Variants in COL4A4 observed in about 807,000 individuals in gnomAD.
COL4A4 encodes collagen alpha-4(IV) chain.
Under a neutral mutation model 192.9 loss-of-function variants are expected in COL4A4, and 105 were observed. The observed-to-expected ratio is 0.54, with a 90% CI of 0.46 to 0.64. COL4A4 has a LOEUF of 0.64. Among genes scored for constraint, COL4A4 ranks in the 30% least tolerant of loss-of-function variants. COL4A4 has a pLI of 0.00. For missense variants in COL4A4, 1,967 were observed against 2,169.3 expected (o/e 0.91, Z 1.85); for synonymous variants, 762 against 769.9 (o/e 0.99, Z 0.17).
the COL4A4 span, among the ~76,000 whole-genome samples, chr2:226,975,840 A>G: frequency 6.6e-6 from 1 of 152,164 alleles, no homozygotes; most frequent in African/African-American, 2.4e-5. Context: ...GCAAGATTTC[A>G]TTGTCACCAA....
chr2:227,129,412 T>A (rs1057265477), intron 4 of COL4A4, among the ~76,000 whole-genome samples: 26 of 50,552 alleles, frequency 5.1e-4, no homozygotes, highest in Non-Finnish European at 9.8e-4. Context: ...TCTAGTATAC[T>A]TTTTTTTTTT....
rs187410355 is a variant in COL4A4, at chr2:227,072,456, A to G, written c.1987+5438T>C. On this transcript the variant is annotated intron_variant, in intron 25 of 47. Transcript: ENST00000396625. The stretch of plus-strand genomic sequence containing the variant: ...CCCAGAATCAGATGGATTCACAGCT[A>G]AATTCTACTTAGACACTGAGAGAAA... 1.3e-3 allele frequency among the ~76,000 whole-genome samples: 198 copies of G among 152,034 alleles called. 1 individual carries two copies. The highest frequency in any genetic ancestry group is 4.2e-3 in the African/African-American group (174 of 41,546).
At chr2:227,159,214 A>G (rs1297699053) in intron 1 of COL4A4, among the ~76,000 whole-genome samples, 1 of 152,266 alleles carries the variant, frequency 6.6e-6, no homozygotes, top group Non-Finnish European at 1.5e-5. Flanking sequence ...GATGTAAGAT[A>G]GTATACACGG....
intron 18 of COL4A4, among the ~76,000 whole-genome samples, chr2:227,099,176 C>T (rs572933144): frequency 6.6e-6 from 1 of 152,148 alleles, no homozygotes; most frequent in East Asian, 1.9e-4. Flanking sequence ...AAGCGATTCT[C>T]GTGCCTCAGC....
chr2:227,128,758 G>C (rs1204060278), intron 4 of COL4A4, among the ~76,000 whole-genome samples: 1 of 152,040 alleles, frequency 6.6e-6, no homozygotes, highest in Non-Finnish European at 1.5e-5. Context: ...TCTCGCACGG[G>C]TTCCACAAGC....
Position 227,091,943 on chromosome 2 carries a change from A to C in COL4A4, c.1370-1986T>G, listed in dbSNP as rs1226729758. ...GAAAGAAAGAAAAGAAAAGAAAAGAAAAGAAAAGACATGACATGAAAGCTA... is the reference window on the plus strand; with the variant it reads ...GAAAGAAAGAAAAGAAAAGAAAAGACAAGAAAAGACATGACATGAAAGCTA... On this transcript the variant is annotated intron_variant, in intron 20 of 47. Coordinates refer to ENST00000396625, the MANE Select transcript of COL4A4 (RefSeq NM_000092.5). Among the ~76,000 whole-genome samples, 30 of 146,558 alleles carry C rather than the reference A, an allele frequency of 2.0e-4. No homozygotes were observed. The East Asian group carries it at 2.4e-3, about 12-fold the overall frequency.
At chr2:227,016,826 G>T (rs1209524865) in intron 44 of COL4A4, among the ~76,000 whole-genome samples, 2 of 152,250 alleles carry the variant, frequency 1.3e-5, no homozygotes, top group Admixed American at 6.5e-5. Context: ...AATTATTTCA[G>T]AGTGTCCTGG....
chr2:227,028,644 T>TTTTTTA (rs1967562123), intron 41 of COL4A4, among the ~76,000 whole-genome samples: 1 of 141,886 alleles, frequency 7.0e-6, no homozygotes, highest in African/African-American at 2.6e-5. Flanking sequence ...ATAAAAGAAA[T>TTTTTTA]TTATTATTAT....
At chr2:227,159,157 A>G (rs1025741017) in intron 1 of COL4A4, among the ~76,000 whole-genome samples, 1 of 152,238 alleles carries the variant, frequency 6.6e-6, no homozygotes, top group African/African-American at 2.4e-5. Flanking sequence ...CCTAATCTAC[A>G]CAACATGGAT....
intron 7 of COL4A4, among the ~76,000 whole-genome samples, chr2:227,117,085 A>ATATT (rs1390958643): frequency 6.6e-6 from 1 of 152,344 alleles, no homozygotes; most frequent in Non-Finnish European, 1.5e-5. Flanking sequence ...TCATGGGACA[A>ATATT]TATTAATTTT....
At chr2:227,066,184 T>C (rs908613258) in intron 25 of COL4A4, among the ~76,000 whole-genome samples, 15 of 151,932 alleles carry the variant, frequency 9.9e-5, no homozygotes, top group African/African-American at 3.1e-4. Context: ...TAAAAAGAAA[T>C]GAGCAAAGCC....
At chr2:227,048,205 T>C (rs1405649278) in intron 34 of COL4A4, among the ~76,000 whole-genome samples, 1 of 152,170 alleles carries the variant, frequency 6.6e-6, no homozygotes, top group African/African-American at 2.4e-5. Context: ...TTCAAGAGAA[T>C]TACAGAGGTA....
At chr2:227,108,671 GTAAT>G in intron 11 of COL4A4, 49 bp from the exon 12 acceptor site, 3 of 1,601,300 alleles carry the variant, frequency 1.9e-6, no homozygotes, top group Middle Eastern at 3.3e-4. Flanking sequence ...TTTTAAAAAA[GTAAT>G]TAAAAGCAAT....
intron 37 of COL4A4, among the ~76,000 whole-genome samples, chr2:227,041,846 A>AG (rs1971273307): frequency 1.0e-4 from 4 of 39,322 alleles, no homozygotes; most frequent in African/African-American, 4.1e-4. Context: ...GAAAGAAAGA[A>AG]AGAGAAAGAA....
rs564184770 is a variant in COL4A4, at chr2:227,070,522, T to C, written c.1987+7372A>G. On this transcript the variant is annotated intron_variant, in intron 25 of 47. Transcript: ENST00000396625. ...AAGAAAATGTGGCACATATACACCA[T>C]GGAATACTATGCAGCCATAAAAAAC... Among the ~76,000 whole-genome samples, 9 of 152,134 alleles carry C rather than the reference T, an allele frequency of 5.9e-5. No homozygotes were observed. The East Asian group carries it at 1.5e-3, about 26-fold the overall frequency.
At chr2:227,065,491 T>A (rs548497827) in intron 25 of COL4A4, among the ~76,000 whole-genome samples, 1 of 152,252 alleles carries the variant, frequency 6.6e-6, no homozygotes, top group South Asian at 2.1e-4. Context: ...CTGACAGCTT[T>A]GAAGAGAGCA....
At position 227,005,267 on chromosome 2, in the gene COL4A4, T is replaced by C. The variant is rs1248304399; in HGVS notation, c.*2058A>G. 6.6e-6 allele frequency: 1 copy of C among 152,094 alleles called. No individual in the cohort carries two copies. Among genetic ancestry groups the C allele is most frequent in the Non-Finnish European group, 1.5e-5 (1 of 68,026 alleles). 9.4% of individuals were successfully genotyped at this position (152,094 alleles called of 1,614,324 possible). A position where few individuals can be genotyped will look rare whatever the true frequency, so the allele number is the denominator to read the frequency against. On this transcript the variant is annotated 3_prime_UTR_variant, in exon 48 of 48. Transcript: ENST00000396625. Reference sequence around the variant, plus strand: ...ATATTCTAATACCAACATTAAAGTGTTTAAAATAATTAGCAAGCAAGATAC... The same window carrying C: ...ATATTCTAATACCAACATTAAAGTGCTTAAAATAATTAGCAAGCAAGATAC...
At chr2:227,131,895 C>T (rs2062498524) in intron 4 of COL4A4, among the ~76,000 whole-genome samples, 1 of 152,168 alleles carries the variant, frequency 6.6e-6, no homozygotes, top group Non-Finnish European at 1.5e-5. Flanking sequence ...ACTGCTGACA[C>T]CAGAAGGAGT....
At chr2:227,051,294 C>T (rs2150184417) in intron 32 of COL4A4, 136 bp from the exon 33 acceptor site, 1 of 887,950 alleles carries the variant, frequency 1.1e-6, no homozygotes, top group Non-Finnish European at 1.9e-6. Flanking sequence ...CAAGCCGCTT[C>T]CTGATCATTT....
Sources: allele counts gnomAD v4.1 joint callset (sites outside exome capture counted in the v4.1 genomes callset), GRCh38; gene constraint gnomAD v4.1.1; transcripts MANE v1.5; gene names NCBI Gene and HGNC (gene_info 2026-07-23, HGNC 2026-07-21).